BBS1: variants seen among roughly 807,000 people sequenced by gnomAD.
BBS1 encodes BBSome complex member BBS1.
In BBS1, 60 loss-of-function variants were observed where a neutral mutation model predicts 73.9. That is an observed-to-expected ratio of 0.81 (90% CI 0.66 to 1.01). The LOEUF (loss-of-function observed/expected upper bound fraction) is 1.01. Ranked by LOEUF, BBS1 falls within the 50% of genes least tolerant of loss-of-function variation. The pLI is 0.00. For missense variants in BBS1, 718 were observed against 770.3 expected (o/e 0.93, Z 0.80); for synonymous variants, 283 against 317.4 (o/e 0.89, Z 1.15).
chr11:66,530,056 A>T, intron 14 of BBS1, 104 bp downstream of exon 14: 1 of 1,494,626 alleles, frequency 6.7e-7, no homozygotes, highest in Non-Finnish European at 9.0e-7. Flanking sequence ...ATTCCAAGCC[A>T]ACTCAGCCCG....
intron 11 of BBS1, chr11:66,524,264 AGCG>A: frequency 6.0e-6 from 2 of 332,620 alleles, no homozygotes; most frequent in Non-Finnish European, 1.2e-5. Flanking sequence ...TGGACAACAG[AGCG>A]AGACTCCATC....
intron 13 of BBS1, among the ~76,000 whole-genome samples, chr11:66,528,348 G>T (rs1358866933): frequency 6.6e-6 from 1 of 152,234 alleles, no homozygotes; most frequent in Non-Finnish European, 1.5e-5. Flanking sequence ...ATGCTGTAAA[G>T]CTTGAAGTTG....
At chr11:66,517,370 C>T (rs1219336293) in intron 7 of BBS1, among the ~76,000 whole-genome samples, 4 of 152,008 alleles carry the variant, frequency 2.6e-5, no homozygotes, top group Non-Finnish European at 4.4e-5. Context: ...TTAAACATCA[C>T]TTGTGATATC....
chr11:66,515,615 C>G (rs370793686), intron 5 of BBS1, 29 bp downstream of exon 5: 38 of 1,614,036 alleles, frequency 2.4e-5, no homozygotes, highest in African/African-American at 4.0e-5. Context: ...CTTCATACCC[C>G]CCTCACTCCT....
chr11:66,530,756 T>C, intron 14 of BBS1, 138 bp from the exon 15 acceptor site: 1 of 1,275,926 alleles, frequency 7.8e-7, no homozygotes, highest in Admixed American at 1.7e-5. Flanking sequence ...CCCCTTCTGG[T>C]CTTCTGTGTC....
chr11:66,530,071 C>A, intron 14 of BBS1, 119 bp downstream of exon 14: 1 of 1,408,228 alleles, frequency 7.1e-7, no homozygotes, highest in Non-Finnish European at 9.7e-7. Context: ...AGCCCGTGCT[C>A]CCCATCACCT....
intron 11 of BBS1, 88 bp downstream of exon 11, chr11:66,523,970 A>G (rs1396434686): frequency 6.4e-6 from 10 of 1,560,958 alleles, no homozygotes; most frequent in Non-Finnish European, 7.9e-6. Context: ...CCGACCACAC[A>G]TTGATGCATT....
chr11:66,517,469 CTTT>C (rs1247554577), intron 7 of BBS1, among the ~76,000 whole-genome samples: 4 of 136,984 alleles, frequency 2.9e-5, no homozygotes, highest in Non-Finnish European at 3.2e-5. Context: ...AATTTTTGTC[CTTT>C]TTTTTTTTTT....
At chr11:66,513,943 G>A (rs1438747060) in intron 3 of BBS1, among the ~76,000 whole-genome samples, 1 of 152,028 alleles carries the variant, frequency 6.6e-6, no homozygotes, top group African/African-American at 2.4e-5. Flanking sequence ...TGAGATCAAG[G>A]AGCTTGTTTC....
chr11:66,513,313 C>G (rs1855987963), intron 3 of BBS1, among the ~76,000 whole-genome samples: 1 of 151,764 alleles, frequency 6.6e-6, no homozygotes, highest in Non-Finnish European at 1.5e-5. Context: ...CTTAGAAGTT[C>G]ATAGCATATT....
rs1319800800 is a variant in BBS1 at position 66,514,618 on chromosome 11, C to T, written c.372C>T (p.Phe124=). ...VYKNLRPYFK[F]SLPQLPPNPL... is the part of the protein sequence containing the mutation. Reference sequence around the variant, plus strand: ...AGAATCTCAGACCCTACTTCAAGTTCAGCCTGCCCCAATTGCCTCCAAATC... The same window carrying T: ...AGAATCTCAGACCCTACTTCAAGTTTAGCCTGCCCCAATTGCCTCCAAATC... The change falls in exon 4 of 17, where the codon TTC becomes TTT. Residue 124 remains phenylalanine (F), a synonymous_variant. Coordinates refer to ENST00000318312, the MANE Select transcript of BBS1 (RefSeq NM_024649.5). 1 of 1,613,684 alleles carries T rather than the reference C, an allele frequency of 6.2e-7. No homozygotes were observed. Among genetic ancestry groups the T allele is most frequent in the Non-Finnish European group, 8.5e-7 (1 of 1,180,040 alleles).
intron 3 of BBS1, among the ~76,000 whole-genome samples, chr11:66,512,845 G>A (rs530385234): frequency 1.3e-5 from 2 of 151,882 alleles, no homozygotes; most frequent in Admixed American, 6.6e-5. Flanking sequence ...GGTGGCAGGC[G>A]CCTGTAATCC....
Position 66,521,274 on chromosome 11 carries a change from G to C in BBS1, c.728G>C (p.Ser243Thr). Residue 243 changes from serine to threonine, a missense_variant, in exon 9 of 17, where the codon AGC becomes ACC. Physicochemically the swap from Ser to Thr is moderately conservative, Grantham distance 58. Coordinates refer to ENST00000318312, the MANE Select transcript of BBS1 (RefSeq NM_024649.5). ...GTTTGCGCTTCTTGTTTGCAGATGA[G>C]CCTTCCCAGCGTCCCCGTCTTCCTA... ...PEAFTILAKM[S>T]LPSVPVFLEV... is the part of the protein sequence containing the mutation. 1 of 1,613,976 alleles carries C rather than the reference G, an allele frequency of 6.2e-7. No homozygotes were observed. Among genetic ancestry groups the C allele is most frequent in the Non-Finnish European group, 8.5e-7 (1 of 1,179,836 alleles).
chr11:66,523,819 G>A lies in BBS1; in HGVS notation c.1047G>A (p.Gly349=), dbSNP rs778610841. Residue 349 remains glycine (G), a synonymous_variant, in exon 11 of 17, where the codon GGG becomes GGA. Coordinates refer to ENST00000318312, the MANE Select transcript of BBS1 (RefSeq NM_024649.5). ...GGGGCCTGCAGGCCGTCATGGCTGGGCTGGCCAATGGAGAGGTCCGCATTT... is the reference window on the plus strand; with the variant it reads ...GGGGCCTGCAGGCCGTCATGGCTGGACTGGCCAATGGAGAGGTCCGCATTT... ...HSRGLQAVMA[G]LANGEVRIYR... is the part of the protein sequence containing the mutation. 1 of 1,613,638 alleles carries A rather than the reference G, an allele frequency of 6.2e-7. No homozygotes were observed. The highest frequency in any genetic ancestry group is 1.1e-5 in the South Asian group (1 of 91,088).
At chr11:66,524,629 T>C (rs1175194047) in intron 11 of BBS1, among the ~76,000 whole-genome samples, 1 of 152,188 alleles carries the variant, frequency 6.6e-6, no homozygotes, top group Non-Finnish European at 1.5e-5. Flanking sequence ...GCCTGAGAAG[T>C]ATGAAGGCTC....
At chr11:66,528,147 C>T (rs1856601563) in intron 13 of BBS1, among the ~76,000 whole-genome samples, 1 of 152,106 alleles carries the variant, frequency 6.6e-6, no homozygotes, top group African/African-American at 2.4e-5. Context: ...ACCTAGGAGG[C>T]AAAGGTTGCA....
At chr11:66,531,800 G>T in intron 16 of BBS1, 58 bp downstream of exon 16, 1 of 1,613,772 alleles carries the variant, frequency 6.2e-7, no homozygotes, top group Non-Finnish European at 8.5e-7. Flanking sequence ...AGGACAGTAA[G>T]GGTGAGTGCC....
intron 4 of BBS1, 30 bp from the exon 5 acceptor site, chr11:66,515,510 C>T (rs201687418): frequency 1.5e-5 from 24 of 1,613,696 alleles, no homozygotes; most frequent in East Asian, 2.2e-5. Context: ...CTGGCTTGAG[C>T]TCACAGGCTC....
In BBS1 at chr11:66,529,435, G is replaced by C. The variant is rs1484565904; in HGVS notation, c.1340-384G>C. The C allele has an allele frequency of 8.2e-6, 7 of 857,948 alleles. No individual in the cohort carries two copies. The East Asian group carries it at 1.8e-4, about 23-fold the overall frequency. The allele number at this position is 857,948 out of a possible 1,614,324, so 53.1% of individuals were successfully genotyped here. On this transcript the variant is annotated intron_variant, in intron 13 of 16. Coordinates refer to ENST00000318312, the MANE Select transcript of BBS1 (RefSeq NM_024649.5). ...AGACACATGCACAATATCGAGCGTG[G>C]ACACCAAGGACTCCTCTTTGTGGTG...
Sources: allele counts gnomAD v4.1 joint callset (sites outside exome capture counted in the v4.1 genomes callset), GRCh38; gene constraint gnomAD v4.1.1; transcripts MANE v1.5; gene names NCBI Gene and HGNC (gene_info 2026-07-23, HGNC 2026-07-21).